BMAL1: variants seen among roughly 807,000 people sequenced by gnomAD.
BMAL1 encodes basic helix-loop-helix ARNT like 1.
chr11:13,304,402 G>A, the BMAL1 span, among the ~76,000 whole-genome samples: 1 of 152,318 alleles, frequency 6.6e-6, no homozygotes, highest in Non-Finnish European at 1.5e-5. Flanking sequence ...TGAGGTTTTG[G>A]CTTTGCCTAA....
the BMAL1 span, among the ~76,000 whole-genome samples, chr11:13,320,500 G>A: frequency 6.6e-6 from 1 of 152,136 alleles, no homozygotes. Flanking sequence ...GTGACCCTTT[G>A]GCTGATGACC....
At chr11:13,284,537 C>T in the BMAL1 span, among the ~76,000 whole-genome samples, 4 of 150,754 alleles carry the variant, frequency 2.7e-5, no homozygotes, top group East Asian at 2.0e-4. Context: ...TTCTTGAGTG[C>T]GCCGGGAGCA....
the BMAL1 span, among the ~76,000 whole-genome samples, chr11:13,334,873 A>G: frequency 6.6e-6 from 1 of 152,334 alleles, no homozygotes; most frequent in Non-Finnish European, 1.5e-5. Flanking sequence ...GTGCTCTGGG[A>G]TGCCTGGGCT....
chr11:13,381,230 T>C, the BMAL1 span: 1 of 1,614,172 alleles, frequency 6.2e-7, no homozygotes. Flanking sequence ...CTCCCCCTGA[T>C]GCCTCTTCTC....
the BMAL1 span, chr11:13,375,889 T>A: frequency 2.2e-6 from 2 of 914,564 alleles, no homozygotes; most frequent in Non-Finnish European, 3.1e-6. Context: ...CTAATACCTG[T>A]GAAGCCTCAG....
the BMAL1 span, among the ~76,000 whole-genome samples, chr11:13,377,372 T>G: frequency 6.6e-6 from 1 of 152,178 alleles, no homozygotes; most frequent in Admixed American, 6.5e-5. Context: ...CCTACCTGAT[T>G]GGTTGTTTAA....
At chr11:13,365,296 C>CACAT in the BMAL1 span, 1 of 396,670 alleles carries the variant, frequency 2.5e-6, no homozygotes, top group Admixed American at 4.3e-5. Context: ...CACACACACA[C>CACAT]ACACACACAC....
chr11:13,386,177 T>C, the BMAL1 span, among the ~76,000 whole-genome samples: 1 of 152,224 alleles, frequency 6.6e-6, no homozygotes, highest in Non-Finnish European at 1.5e-5. Flanking sequence ...CATCCATCTT[T>C]TTCTCCCCTG....
chr11:13,366,625 A>T, the BMAL1 span: 1 of 1,533,312 alleles, frequency 6.5e-7, no homozygotes. Context: ...GATTTTCTGC[A>T]TGCAATTGAC....
At chr11:13,387,219 T>G in the BMAL1 span, 1 of 152,952 alleles carries the variant, frequency 6.5e-6, no homozygotes, top group Non-Finnish European at 1.5e-5. Flanking sequence ...AAGTATAATG[T>G]ACTAGACAGT....
the BMAL1 span, among the ~76,000 whole-genome samples, chr11:13,328,038 C>T: frequency 6.6e-6 from 1 of 152,194 alleles, no homozygotes; most frequent in Admixed American, 6.5e-5. Context: ...ATACTATGTG[C>T]TATTTGCATT....
the BMAL1 span, chr11:13,378,481 TG>T: frequency 6.3e-7 from 1 of 1,587,330 alleles, no homozygotes; most frequent in Non-Finnish European, 8.6e-7. Flanking sequence ...GTTAAACCAG[TG>T]GTTCTCAACC....
chr11:13,282,809 A>G, the BMAL1 span, among the ~76,000 whole-genome samples: 14 of 152,352 alleles, frequency 9.2e-5, no homozygotes, highest in African/African-American at 3.4e-4. Context: ...TGCTTTTTCC[A>G]AAATGACAGG....
At chr11:13,287,705 GT>G in the BMAL1 span, among the ~76,000 whole-genome samples, 1 of 152,298 alleles carries the variant, frequency 6.6e-6, no homozygotes, top group African/African-American at 2.4e-5. Context: ...AGGTATCAGT[GT>G]CTTTTACTGA....
chr11:13,357,294 CTT>C, the BMAL1 span, among the ~76,000 whole-genome samples: 9 of 152,256 alleles, frequency 5.9e-5, no homozygotes, highest in African/African-American at 2.2e-4. The surrounding 1 kb of genome is among the most constrained non-coding windows in gnomAD (Gnocchi z 4.8). Flanking sequence ...GGCCTTTACT[CTT>C]TGCTGTCTAA....
chr11:13,320,690 T>C, the BMAL1 span, among the ~76,000 whole-genome samples: 2 of 152,202 alleles, frequency 1.3e-5, no homozygotes, highest in East Asian at 1.9e-4. Context: ...AGAAAGTTCG[T>C]TGGGGATGCT....
chr11:13,334,269 T>G, the BMAL1 span, among the ~76,000 whole-genome samples: 1 of 152,210 alleles, frequency 6.6e-6, no homozygotes, highest in Admixed American at 6.5e-5. Flanking sequence ...CTTTCCTGCA[T>G]AGTGCCAAAA....
chr11:13,345,620 G>A, the BMAL1 span, among the ~76,000 whole-genome samples: 1 of 152,154 alleles, frequency 6.6e-6, no homozygotes, highest in African/African-American at 2.4e-5. Context: ...AGCAGCCATG[G>A]TAGTTAGAAG....
the BMAL1 span, among the ~76,000 whole-genome samples, chr11:13,348,791 A>G: frequency 4.6e-5 from 7 of 152,294 alleles, no homozygotes; most frequent in South Asian, 2.1e-4. Flanking sequence ...TCAGACTGCA[A>G]TGGGGAATGA....
Sources: allele counts gnomAD v4.1 joint callset (sites outside exome capture counted in the v4.1 genomes callset), GRCh38; gene constraint gnomAD v4.1.1; non-coding constraint Gnocchi (gnomAD v3.1); transcripts MANE v1.5; gene names NCBI Gene and HGNC (gene_info 2026-07-23, HGNC 2026-07-21).